POLI: variants seen among roughly 807,000 people sequenced by gnomAD.
The protein encoded by POLI is DNA polymerase iota, also known as RAD30 homolog B.
Under a neutral mutation model 51.6 loss-of-function variants are expected in POLI, and 58 were observed. The ratio of observed to expected loss-of-function variants is 1.12; its 90% confidence interval spans 0.91 to 1.40. The LOEUF is 1.40. POLI is among the 40% of genes most tolerant of loss of function. The pLI is 0.00. For synonymous variants in POLI, 322 were observed against 299.7 expected, an observed-to-expected ratio of 1.07 and a Z score of -0.77; for missense variants, 921 against 871.3, an observed-to-expected ratio of 1.06 and a Z score of -0.72.
At position 54,295,052 on chromosome 18, in the gene POLI, A is replaced by G. The variant is rs1320997826; in HGVS notation, c.*585A>G. 1.0e-6 allele frequency: 1 copy of G among 985,380 alleles called. No individual in the cohort carries two copies. The highest frequency in any genetic ancestry group is 1.2e-6 in the Non-Finnish European group (1 of 829,992). The allele number at this position is 985,380 out of a possible 1,614,324, so 61.0% of individuals were successfully genotyped here. A position where few individuals can be genotyped will look rare whatever the true frequency, so the allele number is the denominator to read the frequency against. On this transcript the variant is annotated 3_prime_UTR_variant, in exon 10 of 10. Coordinates refer to ENST00000579534, the MANE Select transcript of POLI (RefSeq NM_007195.3). The stretch of plus-strand genomic sequence containing the variant: ...AGCACACAAAGGCCGTTCAATAAAC[A>G]TTGAATGAATGAATGGTTTGGCTAG...
rs1172301318 is a variant in POLI at position 54,283,019 on chromosome 18, C to T, written c.975+4C>T. ...GATACTCTCAGGACCACCTCAGGTA[C>T]ATGATGATACTTATTTTAATTAAGT... On this transcript the variant is annotated splice_donor_region_variant and intron_variant, in intron 6 of 9. Coordinates refer to ENST00000579534, the MANE Select transcript of POLI (RefSeq NM_007195.3). 1 of 1,564,530 alleles carries T rather than the reference C, an allele frequency of 6.4e-7. No homozygotes were observed. The highest frequency in any genetic ancestry group is 1.1e-5 in the South Asian group (1 of 87,302).
chr18:54,319,167 T>A (rs1269495037), intron 3 of POLI, among the ~76,000 whole-genome samples: 42 of 152,302 alleles, frequency 2.8e-4, no homozygotes, highest in Non-Finnish European at 2.9e-5. Context: ...CTAATGACAT[T>A]ATTAGGCCAT....
rs375157241 is a variant in POLI, at chr18:54,293,811, C to G, written c.1567C>G (p.Leu523Val). Residue 523 changes from leucine to valine, a missense_variant, in exon 10 of 10, where the codon CTT (leucine) becomes GTT (valine). Physicochemically the swap from Leu to Val is conservative, Grantham distance 32 (BLOSUM62 1). Coordinates refer to ENST00000579534, the MANE Select transcript of POLI (RefSeq NM_007195.3). ...CATTAATGAATTCCCACTCTGTTCACTTCCTGAAGGTGTTGACCAAGAAGT... is the reference window on the plus strand; with the variant it reads ...CATTAATGAATTCCCACTCTGTTCAGTTCCTGAAGGTGTTGACCAAGAAGT... ...KDINEFPLCS[L>V]PEGVDQEVFK... 2 of 1,608,874 alleles carry G rather than the reference C, an allele frequency of 1.2e-6. No homozygotes were observed. Among genetic ancestry groups the G allele is most frequent in the Non-Finnish European group, 1.7e-6 (2 of 1,177,108 alleles).
rs998158002 is a variant in POLI at position 54,269,586 on chromosome 18, G to A, written c.40G>A (p.Gly14Ser). Reference protein sequence around the residue: ...LGVEPEEEGGGDDDEEDAEAW... With the variant: ...LGVEPEEEGGSDDDEEDAEAW... Reference sequence around the variant, plus strand: ...GGTGGAGCCGGAGGAGGAAGGCGGCGGCGACGACGACGAGGAAGACGCCGA... The same window carrying A: ...GGTGGAGCCGGAGGAGGAAGGCGGCAGCGACGACGACGAGGAAGACGCCGA... The change falls in exon 1 of 10, where the codon GGC (glycine) becomes AGC (serine). Residue 14 changes from glycine (G) to serine (S), a missense_variant. By Grantham distance (56) the Gly-to-Ser change is moderately conservative. Coordinates refer to ENST00000579534, the MANE Select transcript of POLI (RefSeq NM_007195.3). The A allele has an allele frequency of 1.4e-6, 2 of 1,415,748 alleles. No homozygotes were observed. Among genetic ancestry groups the A allele is most frequent in the East Asian group, 2.9e-5 (1 of 34,032 alleles). The allele number at this position is 1,415,748 out of a possible 1,614,324, so 87.7% of individuals were successfully genotyped here.
Position 54,293,646 on chromosome 18 carries a change from T to C in POLI, c.1405-3T>C. Reference sequence around the variant, plus strand: ...AAATTAGTCTGTTATTCTTGTGTTCTAGAAAATGAAAGACACTCATATGGA... The same window carrying C: ...AAATTAGTCTGTTATTCTTGTGTTCCAGAAAATGAAAGACACTCATATGGA... On this transcript the variant is annotated splice_region_variant and splice_polypyrimidine_tract_variant and intron_variant, in intron 9 of 9. Transcript: ENST00000579534. 1 of 1,543,662 alleles carries C rather than the reference T, an allele frequency of 6.5e-7. No homozygotes were observed. Among genetic ancestry groups the C allele is most frequent in the South Asian group, 1.3e-5 (1 of 78,684 alleles).
intron 3 of POLI, among the ~76,000 whole-genome samples, chr18:54,306,113 T>TG (rs2088581895): frequency 6.6e-6 from 1 of 152,150 alleles, no homozygotes; most frequent in Non-Finnish European, 1.5e-5. Flanking sequence ...AACACTATGT[T>TG]GAATAGGAGT....
rs1328257011 is a variant in POLI at position 54,294,690 on chromosome 18, A to G, written c.*223A>G. On this transcript the variant is annotated 3_prime_UTR_variant, in exon 10 of 10. Coordinates refer to ENST00000579534, the MANE Select transcript of POLI (RefSeq NM_007195.3). Reference sequence around the variant, plus strand: ...TATCTTTTATGTCTAAAGCCATTTTATATTACTTTTCAATAAAAAGAATAT... The same window carrying G: ...TATCTTTTATGTCTAAAGCCATTTTGTATTACTTTTCAATAAAAAGAATAT... 1 of 1,143,022 alleles carries G rather than the reference A, an allele frequency of 8.7e-7. No individual in the cohort carries two copies. Among genetic ancestry groups the G allele is most frequent in the Non-Finnish European group, 1.1e-6 (1 of 924,690 alleles). 70.8% of individuals were successfully genotyped at this position (1,143,022 alleles called of 1,614,324 possible). A position where few individuals can be genotyped will look rare whatever the true frequency, so the allele number is the denominator to read the frequency against.
In POLI at chr18:54,298,143, T is replaced by A; in HGVS notation, c.*3676T>A. The stretch of plus-strand genomic sequence containing the variant: ...AAACTTCTATTTTAAAATCTGTATA[T>A]AGAAAGGTACATAAACATAAATGAA... On this transcript the variant is annotated 3_prime_UTR_variant, in exon 10 of 10. Transcript: ENST00000579534. 1.4e-6 allele frequency: 1 copy of A among 729,496 alleles called. No homozygotes were observed. Among genetic ancestry groups the A allele is most frequent in the Non-Finnish European group, 1.7e-6 (1 of 596,344 alleles). 45.2% of individuals were successfully genotyped at this position (729,496 alleles called of 1,614,324 possible).
rs1477113193 is a variant in POLI at position 54,297,645 on chromosome 18, T to G, written c.*3178T>G. The G allele has an allele frequency of 1.0e-6, 1 of 980,212 alleles. No individual in the cohort carries two copies. Among genetic ancestry groups the G allele is most frequent in the Non-Finnish European group, 1.2e-6 (1 of 825,228 alleles). The allele number at this position is 980,212 out of a possible 1,614,324, so 60.7% of individuals were successfully genotyped here. ...CTTTTGGGATCAGTTGGGTTTTCTA[T>G]TTAATCATATATTTTCCCTTTACTG... On this transcript the variant is annotated 3_prime_UTR_variant, in exon 10 of 10. Coordinates refer to ENST00000579534, the MANE Select transcript of POLI (RefSeq NM_007195.3).
At chr18:54,276,558 A>G (rs3730721) in intron 3 of POLI, among the ~76,000 whole-genome samples, 27,313 of 152,210 alleles carry the variant, frequency 0.18, 2,668 homozygotes, top group Middle Eastern at 0.25. Flanking sequence ...TGTTTTCTAC[A>G]TGTTACTTTG....
chr18:54,281,719 C>CA (rs2087506701), intron 5 of POLI, among the ~76,000 whole-genome samples: 2 of 150,300 alleles, frequency 1.3e-5, no homozygotes, highest in Admixed American at 1.3e-4. Flanking sequence ...AACATTCTTA[C>CA]TTGGCTTTAC....
At chr18:54,290,965 T>C (rs1568139446) in intron 8 of POLI, among the ~76,000 whole-genome samples, 3 of 152,136 alleles carry the variant, frequency 2.0e-5, no homozygotes, top group African/African-American at 7.2e-5. Flanking sequence ...ACCCCAGAAC[T>C]TAAAGTATAA....
intron 5 of POLI, among the ~76,000 whole-genome samples, chr18:54,281,356 C>A (rs1027135372): frequency 5.9e-5 from 9 of 152,124 alleles, no homozygotes; most frequent in African/African-American, 2.2e-4. Context: ...AAACTGATTT[C>A]CATGAGGAGT....
rs192347791 is a variant in POLI at position 54,306,000 on chromosome 18, C to T, written c.334-14273C>T. On this transcript the variant is annotated intron_variant, in intron 3 of 4. Coordinates refer to the POLI transcript ENST00000579823. ...GTTTCGATCTCCTGACCTCATGATC[C>T]GCCCGCCTCAGCCTCCCAAAGTGCT... Among the ~76,000 whole-genome samples, 314 of 152,210 alleles carry T rather than the reference C, an allele frequency of 2.1e-3. 2 individuals carry two copies. Among genetic ancestry groups the T allele is most frequent in the African/African-American group, 7.3e-3 (303 of 41,534 alleles).
At chr18:54,308,290 C>G (rs1189223295) in intron 3 of POLI, among the ~76,000 whole-genome samples, 1 of 152,176 alleles carries the variant, frequency 6.6e-6, no homozygotes, top group Non-Finnish European at 1.5e-5. Flanking sequence ...GTGACAACAT[C>G]TCTCAGCATT....
At chr18:54,278,262 G>A (rs966425391) in intron 4 of POLI, among the ~76,000 whole-genome samples, 13 of 152,144 alleles carry the variant, frequency 8.5e-5, no homozygotes, top group African/African-American at 2.9e-4. Flanking sequence ...AGGAGTTTGA[G>A]TCCAGCCTAG....
intron 3 of POLI, among the ~76,000 whole-genome samples, chr18:54,312,347 A>C (rs140968794): frequency 3.8e-4 from 58 of 152,200 alleles, no homozygotes; most frequent in African/African-American, 1.4e-3. Context: ...TTTATCGAGT[A>C]TATCATTGAT....
At position 54,283,003 on chromosome 18, in the gene POLI, AG is replaced by A; in HGVS notation, c.965del (p.Gly322AspfsTer33). The A allele has an allele frequency of 6.2e-7, 1 of 1,602,506 alleles. No homozygotes were observed. Among genetic ancestry groups the A allele is most frequent in the Non-Finnish European group, 8.5e-7 (1 of 1,171,048 alleles). On this transcript the variant is annotated frameshift_variant, in exon 6 of 10. Coordinates refer to ENST00000579534, the MANE Select transcript of POLI (RefSeq NM_007195.3). LOFTEE classifies it high-confidence loss of function. Reference protein sequence around the residue: ...GEDNSPVILSGPPQSFSEEDS... With the variant: ...GEDNSPVILSXPPQSFSEEDS... Reference sequence around the variant, plus strand: ...AGGATAACTCCCCTGTGATACTCTCAGGACCACCTCAGGTACATGATGATAC... The same window carrying A: ...AGGATAACTCCCCTGTGATACTCTCAGACCACCTCAGGTACATGATGATAC...
At chr18:54,279,691 G>A (rs1339254935) in intron 4 of POLI, among the ~76,000 whole-genome samples, 1 of 152,092 alleles carries the variant, frequency 6.6e-6, no homozygotes, top group Non-Finnish European at 1.5e-5. Context: ...AATACTTTTA[G>A]CGTTAGTCTC....
Sources: gnomAD v4.1 joint callset for allele counts (sites outside exome capture counted in the v4.1 genomes callset) on GRCh38, gnomAD v4.1.1 for gene constraint, MANE v1.5 for transcripts, NCBI Gene and HGNC (gene_info 2026-07-23, HGNC 2026-07-21) for gene names.